The following TMEM168 variants were observed in gnomAD, a reference collection of about 807,000 sequenced individuals.
TMEM168 encodes the protein transmembrane protein 168.
Under a neutral mutation model 53.2 loss-of-function variants are expected in TMEM168, and 40 were observed. That is an observed-to-expected ratio of 0.75 (90% CI 0.58 to 0.98). The LOEUF (loss-of-function observed/expected upper bound fraction) is 0.98, where lower values mean the gene tolerates loss of function less well. Ranked by LOEUF, TMEM168 falls within the 50% of genes least tolerant of loss-of-function variation. The probability of loss-of-function intolerance (pLI) is 0.00; values close to 1 mark genes in which losing one functional copy is unlikely to be tolerated. For missense variants in TMEM168, 771 were observed against 828.8 expected (o/e 0.93, Z 0.86); for synonymous variants, 282 against 293.0 (o/e 0.96, Z 0.38).
intron 2 of TMEM168, among the ~76,000 whole-genome samples, chr7:112,777,443 T>C (rs2116266065): frequency 6.6e-6 from 1 of 152,298 alleles, no homozygotes; most frequent in South Asian, 2.1e-4. Context: ...GTTCTGTTGT[T>C]CTATTTTTTA....
chr7:112,769,455 A>G (rs1792875039), intron 4 of TMEM168, among the ~76,000 whole-genome samples: 1 of 152,186 alleles, frequency 6.6e-6, no homozygotes, highest in African/African-American at 2.4e-5. Context: ...TCCATCTGCC[A>G]CAAAACATCA....
intron 2 of TMEM168, among the ~76,000 whole-genome samples, chr7:112,781,417 A>G (rs886629946): frequency 6.6e-6 from 1 of 152,188 alleles, no homozygotes; most frequent in African/African-American, 2.4e-5. Flanking sequence ...TTAGAAATCA[A>G]TGGAAAGAAA....
At position 112,774,458 on chromosome 7, in the gene TMEM168, T is replaced by C. The variant is rs376572960; in HGVS notation, c.1271+718A>G. Among the ~76,000 whole-genome samples, 52 of 145,446 alleles carry C rather than the reference T, an allele frequency of 3.6e-4. No homozygotes were observed. The East Asian group carries it at 7.8e-3, about 22-fold the overall frequency. On this transcript the variant is annotated intron_variant, in intron 3 of 4. Coordinates refer to ENST00000312814, the MANE Select transcript of TMEM168 (RefSeq NM_022484.6). ...ATACATTTTAGGCAAAGACAGATAATAAGGTTCAGAGTAGTTATAGTGTAC... is the reference window on the plus strand; with the variant it reads ...ATACATTTTAGGCAAAGACAGATAACAAGGTTCAGAGTAGTTATAGTGTAC...
At position 112,764,169 on chromosome 7, in the gene TMEM168, AAAT is replaced by A. The variant is rs1461500524; in HGVS notation, c.*3025_*3027del. On this transcript the variant is annotated 3_prime_UTR_variant, in exon 5 of 5. Coordinates refer to ENST00000312814, the MANE Select transcript of TMEM168 (RefSeq NM_022484.6). ...TAAATAAATAATGGTTAAAAAAAGA[AAAT>A]AAATTCATACTGTTTTTTTTATTCT... The A allele has an allele frequency of 6.6e-6, 1 of 151,712 alleles. No individual in the cohort carries two copies. The highest frequency in any genetic ancestry group is 2.4e-5 in the African/African-American group (1 of 41,402). The allele number at this position is 151,712 out of a possible 1,614,324, so 9.4% of individuals were successfully genotyped here.
intron 1 of TMEM168, among the ~76,000 whole-genome samples, chr7:112,785,555 T>C (rs948094589): frequency 6.6e-6 from 1 of 152,222 alleles, no homozygotes; most frequent in African/African-American, 2.4e-5. Context: ...TGTACTTTTA[T>C]CTCTATTAAA....
In TMEM168 at chr7:112,784,688, A is replaced by T; in HGVS notation, c.138T>A (p.Val46=). Residue 46 remains valine (V), a synonymous_variant, in exon 2 of 5, where the codon GTT becomes GTA. Transcript: ENST00000312814. ...TTACGTATAGACCTAAGCATATAGC[A>T]ACCAATAAATTGATTCTGGCTAAAT... ...LGYLARINLL[V]AICLGLYVRW... The T allele has an allele frequency of 6.2e-7, 1 of 1,614,066 alleles. No homozygotes were observed. Among genetic ancestry groups the T allele is most frequent in the South Asian group, 1.1e-5 (1 of 91,038 alleles).
Position 112,777,629 on chromosome 7 carries a change from G to A in TMEM168, c.1129-2311C>T, listed in dbSNP as rs1306941395. Among the ~76,000 whole-genome samples, 4 of 151,934 alleles carry A rather than the reference G, an allele frequency of 2.6e-5. No homozygotes were observed. The East Asian group carries it at 7.7e-4, about 29-fold the overall frequency. The stretch of plus-strand genomic sequence containing the variant: ...AGCTTCTTCTGAACTGTATCTTCCA[G>A]TTCACTAATGCCCACTTCAGCTTTG... On this transcript the variant is annotated intron_variant, in intron 2 of 4. Transcript: ENST00000312814.
chr7:112,782,852 A>G (rs558116935), intron 2 of TMEM168, among the ~76,000 whole-genome samples: 72 of 152,316 alleles, frequency 4.7e-4, no homozygotes, highest in African/African-American at 1.6e-3. Context: ...TATGCCCCAC[A>G]TCCCAGTCTG....
At chr7:112,785,722 C>T (rs529478645) in intron 1 of TMEM168, among the ~76,000 whole-genome samples, 1 of 152,124 alleles carries the variant, frequency 6.6e-6, no homozygotes, top group Non-Finnish European at 1.5e-5. Flanking sequence ...CTTAAACAAA[C>T]GTTACTACAA....
chr7:112,770,385 A>T (rs1020307042), intron 4 of TMEM168, among the ~76,000 whole-genome samples: 2 of 152,134 alleles, frequency 1.3e-5, no homozygotes, highest in Non-Finnish European at 2.9e-5. Context: ...AACTTCTTAT[A>T]ATAAGCCTCA....
intron 4 of TMEM168, among the ~76,000 whole-genome samples, chr7:112,768,441 T>C (rs1397659933): frequency 1.3e-5 from 2 of 152,098 alleles, no homozygotes; most frequent in Admixed American, 6.6e-5. Context: ...TAGGTACCTA[T>C]TGAATGAAAA....
chr7:112,789,877 T>C (rs1282035372), intron 1 of TMEM168, among the ~76,000 whole-genome samples: 1 of 152,248 alleles, frequency 6.6e-6, no homozygotes, highest in Non-Finnish European at 1.5e-5. Context: ...TCTAGCGAGA[T>C]GTGGGAGGTC....
Position 112,775,183 on chromosome 7 carries a change from A to C in TMEM168, c.1264T>G (p.Phe422Val). The C allele has an allele frequency of 6.2e-7, 1 of 1,606,818 alleles. No homozygotes were observed. The highest frequency in any genetic ancestry group is 8.5e-7 in the Non-Finnish European group (1 of 1,176,648). ...VGYAIVIPTN[F>V]CSPDGQPTLL... ...TATACTAGATTACTGTACCTGCAGA[A>C]GTTGGTGGGAATCACAATAGCATAT... The change falls in exon 3 of 5, where the codon TTC becomes GTC. Residue 422 changes from phenylalanine (F) to valine (V), a missense_variant. By Grantham distance (50) the Phe-to-Val change is conservative. Transcript: ENST00000312814.
rs1793299569 is a variant in TMEM168 at position 112,783,942 on chromosome 7, A to G, written c.884T>C (p.Ile295Thr). ...LRDTHLWYFV[I>T]PGFSIFGIFW... ...AATTCCAAAAATGGAAAAGCCAGGT[A>G]TTACAAAATACCAGAGGTGAGTGTC... The change falls in exon 2 of 5, where the codon ATA (isoleucine) becomes ACA (threonine). Residue 295 changes from isoleucine to threonine, a missense_variant. Coordinates refer to ENST00000312814, the MANE Select transcript of TMEM168 (RefSeq NM_022484.6). The G allele has an allele frequency of 1.9e-6, 3 of 1,606,852 alleles. No homozygotes were observed. Among genetic ancestry groups the G allele is most frequent in the Admixed American group, 1.7e-5 (1 of 58,456 alleles).
At chr7:112,776,314 C>A (rs1213826237) in intron 2 of TMEM168, among the ~76,000 whole-genome samples, 3 of 151,750 alleles carry the variant, frequency 2.0e-5, no homozygotes, top group African/African-American at 7.3e-5. Context: ...AAGGAGGAGG[C>A]AATCAGGTAT....
intron 3 of TMEM168, among the ~76,000 whole-genome samples, chr7:112,773,697 G>T (rs972100841): frequency 6.6e-6 from 1 of 152,026 alleles, no homozygotes; most frequent in Non-Finnish European, 1.5e-5. Flanking sequence ...GATAAAGCAA[G>T]TCTTATAACT....
chr7:112,774,050 T>C (rs1793002872), intron 3 of TMEM168, among the ~76,000 whole-genome samples: 1 of 152,218 alleles, frequency 6.6e-6, no homozygotes, highest in Non-Finnish European at 1.5e-5. Flanking sequence ...AATAGTCTAT[T>C]TGGAGATTTT....
intron 4 of TMEM168, among the ~76,000 whole-genome samples, chr7:112,771,027 T>G (rs148191312): frequency 3.4e-4 from 52 of 152,314 alleles, no homozygotes; most frequent in African/African-American, 1.2e-3. Flanking sequence ...TGCTCTGAGT[T>G]GGAATACACA....
intron 4 of TMEM168, among the ~76,000 whole-genome samples, chr7:112,769,135 G>C (rs1483674567): frequency 6.6e-6 from 1 of 152,162 alleles, no homozygotes; most frequent in Non-Finnish European, 1.5e-5. Context: ...CACCACCAGA[G>C]AGAGAATCCT....
Sources: allele counts gnomAD v4.1 joint callset (sites outside exome capture counted in the v4.1 genomes callset), GRCh38; gene constraint gnomAD v4.1.1; transcripts MANE v1.5; gene names NCBI Gene and HGNC (gene_info 2026-07-23, HGNC 2026-07-21).